SYT16: variants seen among roughly 807,000 people sequenced by gnomAD.
SYT16 encodes the protein synaptotagmin 16.
SYT16 carries 42 observed loss-of-function variants against 61.4 expected under a neutral mutation model. The ratio of observed to expected loss-of-function variants is 0.68; its 90% CI spans 0.53 to 0.89. The LOEUF (loss-of-function observed/expected upper bound fraction) is 0.89. Among genes scored for constraint, SYT16 ranks in the 40% least tolerant of loss-of-function variants. SYT16 has a pLI of 0.00. For synonymous variants in SYT16, 314 were observed against 302.3 expected (o/e 1.04, Z -0.40); for missense variants, 804 against 807.3 (o/e 1.00, Z 0.05).
chr14:61,884,879 C>T (rs1166473398), intron 1 of SYT16, among the ~76,000 whole-genome samples: 1 of 152,122 alleles, frequency 6.6e-6, no homozygotes, highest in Non-Finnish European at 1.5e-5. Context: ...TTTTGTACAG[C>T]ATTGAAAAGT....
chr14:62,074,109 A>T (rs1001329596), intron 4 of SYT16, among the ~76,000 whole-genome samples: 3 of 152,154 alleles, frequency 2.0e-5, no homozygotes, highest in African/African-American at 7.2e-5. Flanking sequence ...GAGATCCTCA[A>T]TTTCTCTTTG....
intron 1 of SYT16, among the ~76,000 whole-genome samples, chr14:61,961,460 A>G (rs557045740): frequency 6.6e-6 from 1 of 152,230 alleles, no homozygotes; most frequent in African/African-American, 2.4e-5. Context: ...TGGGCAAAGT[A>G]CATGAACAGA....
chr14:62,040,627 A>G lies in SYT16; in HGVS notation c.524-28976A>G, dbSNP rs1238044404. ...TGTCAGTTTTTTTCTTTCTGCATTT[A>G]AGAAATATTGTTTCACAGTGAGATT... On this transcript the variant is annotated intron_variant, in intron 3 of 7. Coordinates refer to ENST00000683842, the MANE Select transcript of SYT16 (RefSeq NM_001367656.1). Among the ~76,000 whole-genome samples the G allele has an allele frequency of 8.5e-5, 13 of 152,292 alleles. 1 individual carries two copies. In the South Asian group the frequency reaches 2.1e-3, roughly 24 times the overall value.
intron 3 of SYT16, among the ~76,000 whole-genome samples, chr14:62,000,098 GATT>G (rs2052938037): frequency 5.6e-5 from 2 of 35,518 alleles, no homozygotes; most frequent in Non-Finnish European, 8.9e-5. Flanking sequence ...TTTGTCTCTC[GATT>G]TTTTTTTTTT....
intron 2 of SYT16, among the ~76,000 whole-genome samples, chr14:61,982,707 C>G (rs965057431): frequency 1.3e-5 from 2 of 152,002 alleles, no homozygotes; most frequent in Non-Finnish European, 2.9e-5. Flanking sequence ...AACTATCTCC[C>G]CCTACTTTAT....
At chr14:61,864,015 G>A (rs1490918109) in intron 1 of SYT16, among the ~76,000 whole-genome samples, 4 of 152,148 alleles carry the variant, frequency 2.6e-5, no homozygotes, top group Admixed American at 6.5e-5. Context: ...TTTATAGCAC[G>A]TCTTGAAGTT....
intron 1 of SYT16, among the ~76,000 whole-genome samples, chr14:61,841,991 G>T (rs2046314609): frequency 6.6e-6 from 1 of 152,094 alleles, no homozygotes; most frequent in African/African-American, 2.4e-5. Flanking sequence ...GAGTGCAGGT[G>T]TCTTCTGTTT....
At chr14:61,825,973 C>G (rs1316610106) in intron 1 of SYT16, among the ~76,000 whole-genome samples, 4 of 152,192 alleles carry the variant, frequency 2.6e-5, no homozygotes, top group African/African-American at 9.6e-5. Context: ...GTTCAAAAAG[C>G]AAACAAGGGC....
At chr14:62,004,366 A>G (rs1175811098) in intron 3 of SYT16, among the ~76,000 whole-genome samples, 1 of 152,154 alleles carries the variant, frequency 6.6e-6, no homozygotes, top group African/African-American at 2.4e-5. Context: ...AACTGCCTGC[A>G]TGATCCAATC....
At chr14:61,875,504 T>G (rs1265613428) in intron 1 of SYT16, among the ~76,000 whole-genome samples, 1 of 152,204 alleles carries the variant, frequency 6.6e-6, no homozygotes, top group Non-Finnish European at 1.5e-5. Flanking sequence ...AAATTTTTTT[T>G]CTCATGTAAG....
intron 1 of SYT16, among the ~76,000 whole-genome samples, chr14:61,857,116 G>A (rs1282890732): frequency 6.6e-6 from 1 of 151,890 alleles, no homozygotes; most frequent in Non-Finnish European, 1.5e-5. Flanking sequence ...GCCAATAAAG[G>A]GTGTGTTATT....
chr14:61,986,519 G>C lies in SYT16; in HGVS notation c.-144-9357G>C, dbSNP rs189080317. On this transcript the variant is annotated intron_variant, in intron 2 of 7. Coordinates refer to ENST00000683842, the MANE Select transcript of SYT16 (RefSeq NM_001367656.1). ...CACAACATGCAGGTTTGTTACATAT[G>C]TATACATGTGCCATGTTGGTGTGCT... Among the ~76,000 whole-genome samples, 69 of 151,614 alleles carry C rather than the reference G, an allele frequency of 4.6e-4. 1 individual carries two copies. The East Asian group carries it at 0.013, about 29-fold the overall frequency.
intron 2 of SYT16, among the ~76,000 whole-genome samples, chr14:61,985,647 C>A (rs896050314): frequency 1.3e-5 from 2 of 152,070 alleles, no homozygotes; most frequent in African/African-American, 4.8e-5. Context: ...TGAAGATGAT[C>A]TCCTGGAAAA....
At chr14:62,082,769 A>G (rs936323187) in intron 6 of SYT16, among the ~76,000 whole-genome samples, 5 of 152,230 alleles carry the variant, frequency 3.3e-5, no homozygotes, top group African/African-American at 1.2e-4. Flanking sequence ...ACCCATATTT[A>G]TGCTTGCTAG....
chr14:61,952,210 G>A (rs2050701015), intron 1 of SYT16, among the ~76,000 whole-genome samples: 1 of 151,618 alleles, frequency 6.6e-6, no homozygotes, highest in South Asian at 2.1e-4. Context: ...ACATAAGCAT[G>A]CCATTGAAAA....
At chr14:61,985,455 A>G (rs2052264557) in intron 2 of SYT16, among the ~76,000 whole-genome samples, 2 of 152,178 alleles carry the variant, frequency 1.3e-5, no homozygotes, top group Admixed American at 1.3e-4. Context: ...GCCTATCAAT[A>G]AAACTTTCAT....
intron 3 of SYT16, among the ~76,000 whole-genome samples, chr14:62,069,354 T>C (rs1275333216): frequency 1.3e-5 from 2 of 152,244 alleles, no homozygotes; most frequent in Non-Finnish European, 2.9e-5. Context: ...ATGATGATTA[T>C]GGGTGTCCCA....
At chr14:62,010,616 T>C (rs1048264818) in intron 3 of SYT16, among the ~76,000 whole-genome samples, 1 of 152,160 alleles carries the variant, frequency 6.6e-6, no homozygotes, top group African/African-American at 2.4e-5. Context: ...TTCCTAATAT[T>C]TAATACATTT....
intron 1 of SYT16, among the ~76,000 whole-genome samples, chr14:61,856,343 G>A (rs1471120853): frequency 6.6e-6 from 1 of 152,348 alleles, no homozygotes; most frequent in East Asian, 1.9e-4. Flanking sequence ...GGGAGTAGCA[G>A]TGGAAATGGT....
Sources: allele counts gnomAD v4.1 joint callset (sites outside exome capture counted in the v4.1 genomes callset), GRCh38; gene constraint gnomAD v4.1.1; transcripts MANE v1.5; gene names NCBI Gene and HGNC (gene_info 2026-07-23, HGNC 2026-07-21).